Variants in CNTN4 observed in about 807,000 individuals in gnomAD.
CNTN4 encodes contactin-4.
Under a neutral mutation model 122.5 loss-of-function variants are expected in CNTN4, and 77 were observed. The ratio of observed to expected loss-of-function variants is 0.63; its 90% CI spans 0.52 to 0.76. The LOEUF (loss-of-function observed/expected upper bound fraction) is 0.76. CNTN4 is among the 30% of genes least tolerant of loss of function. The probability of loss-of-function intolerance (pLI) is 0.00; values close to 1 mark genes in which losing one functional copy is unlikely to be tolerated. For missense variants in CNTN4, 1,256 were observed against 1,259.1 expected (o/e 1.00, Z 0.04); for synonymous variants, 512 against 447.0 (o/e 1.15, Z -1.83).
chr3:2,670,990 G>A (rs1345113378), intron 4 of CNTN4, among the ~76,000 whole-genome samples: 1 of 152,138 alleles, frequency 6.6e-6, no homozygotes, highest in Non-Finnish European at 1.5e-5. Context: ...TTCCCTTTGT[G>A]GGTAACCCGA....
At chr3:2,174,119 A>T (rs972567388) in intron 2 of CNTN4, among the ~76,000 whole-genome samples, 1 of 152,140 alleles carries the variant, frequency 6.6e-6, no homozygotes, top group Non-Finnish European at 1.5e-5. Flanking sequence ...TAAGGCCCAC[A>T]TTCATTTATT....
intron 5 of CNTN4, 98 bp downstream of exon 5, chr3:2,736,439 T>G (rs1276093143): frequency 1.5e-6 from 1 of 655,594 alleles, no homozygotes. Flanking sequence ...GAGCTTTTAT[T>G]TATTTATTTT....
chr3:2,539,672 C>G (rs962739773), intron 3 of CNTN4, among the ~76,000 whole-genome samples: 1 of 152,054 alleles, frequency 6.6e-6, no homozygotes, highest in African/African-American at 2.4e-5. Flanking sequence ...AATTTGATTT[C>G]TTTTTATCTT....
At chr3:2,692,263 A>G (rs1369809932) in intron 4 of CNTN4, among the ~76,000 whole-genome samples, 1 of 152,176 alleles carries the variant, frequency 6.6e-6, no homozygotes, top group African/African-American at 2.4e-5. Context: ...TTTGCTTCTA[A>G]GAGAGTTTGA....
At chr3:2,169,677 G>A (rs925430903) in intron 2 of CNTN4, among the ~76,000 whole-genome samples, 19 of 152,116 alleles carry the variant, frequency 1.2e-4, no homozygotes, top group Non-Finnish European at 1.8e-4. Flanking sequence ...GATTACAGGC[G>A]TGAGCCACCG....
At chr3:2,853,272 T>C (rs946732911) in intron 7 of CNTN4, among the ~76,000 whole-genome samples, 2 of 152,022 alleles carry the variant, frequency 1.3e-5, no homozygotes, top group Admixed American at 6.6e-5. Context: ...TGAGACGGAG[T>C]CTCACTCTGT....
intron 3 of CNTN4, among the ~76,000 whole-genome samples, chr3:2,547,838 C>G (rs896959863): frequency 1.3e-5 from 2 of 152,058 alleles, no homozygotes; most frequent in Admixed American, 6.6e-5. Flanking sequence ...TCTCATGATA[C>G]TGTCCAAAAT....
intron 13 of CNTN4, among the ~76,000 whole-genome samples, chr3:2,938,609 A>T (rs1354178171): frequency 6.6e-6 from 1 of 152,192 alleles, no homozygotes; most frequent in Non-Finnish European, 1.5e-5. Flanking sequence ...TAAAAGGGAG[A>T]TAAAGCTTTC....
chr3:2,516,872 C>T (rs888016527), intron 3 of CNTN4, among the ~76,000 whole-genome samples: 2 of 151,898 alleles, frequency 1.3e-5, no homozygotes, highest in Non-Finnish European at 2.9e-5. Flanking sequence ...TAATGCTTGC[C>T]AGAAGGAAAC....
intron 4 of CNTN4, among the ~76,000 whole-genome samples, chr3:2,629,857 T>C (rs1038268051): frequency 1.3e-5 from 2 of 152,168 alleles, no homozygotes; most frequent in African/African-American, 4.8e-5. Context: ...CTAGTATTAA[T>C]CCATGGACAT....
At chr3:2,779,282 C>A (rs979350643) in intron 6 of CNTN4, among the ~76,000 whole-genome samples, 1 of 151,922 alleles carries the variant, frequency 6.6e-6, no homozygotes, top group South Asian at 2.1e-4. Flanking sequence ...TTTGTTGGTT[C>A]GTTTGTGACA....
intron 10 of CNTN4, among the ~76,000 whole-genome samples, chr3:2,891,960 C>T (rs1425833335): frequency 3.3e-5 from 5 of 151,934 alleles, no homozygotes; most frequent in Non-Finnish European, 7.4e-5. Context: ...TTGGTTAGGA[C>T]GTAAGAGAGG....
At chr3:2,567,103 T>TC (rs1559245060) in intron 3 of CNTN4, among the ~76,000 whole-genome samples, 5 of 147,278 alleles carry the variant, frequency 3.4e-5, no homozygotes. Flanking sequence ...TTTCTTTTTT[T>TC]CAGACGGAGT....
At chr3:2,635,053 A>G (rs995160903) in intron 4 of CNTN4, among the ~76,000 whole-genome samples, 6 of 152,132 alleles carry the variant, frequency 3.9e-5, no homozygotes, top group African/African-American at 7.2e-5. Flanking sequence ...TCTCGGAACC[A>G]TCTAGGGGAA....
At chr3:2,193,687 C>A (rs1262250217) in intron 2 of CNTN4, among the ~76,000 whole-genome samples, 1 of 152,188 alleles carries the variant, frequency 6.6e-6, no homozygotes, top group African/African-American at 2.4e-5. Flanking sequence ...ATCACATATG[C>A]ATGACTATGG....
At chr3:2,626,670 AC>A (rs1284901804) in intron 4 of CNTN4, among the ~76,000 whole-genome samples, 1 of 152,168 alleles carries the variant, frequency 6.6e-6, no homozygotes. Context: ...ATCTGTAGCT[AC>A]ACTGTGGGTA....
At chr3:2,146,371 A>G (rs2035248744) in intron 2 of CNTN4, among the ~76,000 whole-genome samples, 1 of 151,834 alleles carries the variant, frequency 6.6e-6, no homozygotes, top group South Asian at 2.1e-4. Context: ...TTGTAGATAG[A>G]TATTACTATC....
At chr3:2,587,216 T>C (rs2080242585) in intron 4 of CNTN4, among the ~76,000 whole-genome samples, 1 of 152,138 alleles carries the variant, frequency 6.6e-6, no homozygotes. Flanking sequence ...GACACACCAC[T>C]CTCAGGGGAA....
intron 13 of CNTN4, among the ~76,000 whole-genome samples, chr3:2,965,287 T>C (rs1401572827): frequency 6.6e-6 from 1 of 152,100 alleles, no homozygotes; most frequent in Admixed American, 6.5e-5. Context: ...CCTCCTAAAT[T>C]GTATTGTTTT....
Sources: allele counts gnomAD v4.1 joint callset (sites outside exome capture counted in the v4.1 genomes callset), GRCh38; gene constraint gnomAD v4.1.1; transcripts MANE v1.5; gene names NCBI Gene and HGNC (gene_info 2026-07-23, HGNC 2026-07-21).